Variants in LDLRAD4 observed in about 807,000 individuals in gnomAD.
LDLRAD4 encodes the protein low-density lipoprotein receptor class A domain-containing protein 4.
Under a neutral mutation model 17.0 loss-of-function variants are expected in LDLRAD4, and 5 were observed. The observed-to-expected ratio is 0.29, with a 90% confidence interval of 0.15 to 0.62. The LOEUF is 0.62. LDLRAD4 is among the 20% of genes least tolerant of loss of function. LDLRAD4 has a pLI of 0.84. For missense variants in LDLRAD4, 340 were observed against 424.7 expected, an observed-to-expected ratio of 0.80 and a Z score of 1.75; for synonymous variants, 168 against 171.8, an observed-to-expected ratio of 0.98 and a Z score of 0.17.
intron 3 of LDLRAD4, among the ~76,000 whole-genome samples, chr18:13,465,717 G>A (rs575039158): frequency 2.0e-5 from 3 of 152,340 alleles, no homozygotes; most frequent in South Asian, 2.1e-4. Context: ...TTAGGCCTGC[G>A]GCTTGGCAGA....
intron 3 of LDLRAD4, among the ~76,000 whole-genome samples, chr18:13,477,145 G>A (rs2092960743): frequency 6.6e-6 from 1 of 152,186 alleles, no homozygotes; most frequent in South Asian, 2.1e-4. Context: ...CAGGAGGATT[G>A]GGCCCTAATT....
At chr18:13,597,796 C>G (rs1785160) in intron 3 of LDLRAD4, among the ~76,000 whole-genome samples, 70,869 of 151,468 alleles carry the variant, frequency 0.47, 16,680 homozygotes, top group African/African-American at 0.54. Flanking sequence ...CTTTATTGAT[C>G]TACTGTTAAG....
At chr18:13,499,698 T>A (rs1358874489) in intron 3 of LDLRAD4, among the ~76,000 whole-genome samples, 5 of 132,872 alleles carry the variant, frequency 3.8e-5, no homozygotes, top group African/African-American at 1.5e-4. Context: ...CACCGGAGAA[T>A]CCATCTCCAC....
At chr18:13,388,080 G>A (rs1472575765) in intron 2 of LDLRAD4, among the ~76,000 whole-genome samples, 2 of 152,236 alleles carry the variant, frequency 1.3e-5, no homozygotes, top group African/African-American at 4.8e-5. Context: ...CTTGCTGAGC[G>A]AGGGTAGGGG....
chr18:13,460,342 G>A (rs779100856), intron 3 of LDLRAD4, among the ~76,000 whole-genome samples: 7 of 152,040 alleles, frequency 4.6e-5, no homozygotes, highest in Admixed American at 3.3e-4. Flanking sequence ...ACAGGCACAC[G>A]CCACCATGCC....
intron 1 of LDLRAD4, among the ~76,000 whole-genome samples, chr18:13,224,991 A>G (rs1353674409): frequency 6.6e-6 from 1 of 151,236 alleles, no homozygotes; most frequent in East Asian, 2.0e-4. Context: ...ATGCACCACT[A>G]CACCTAGCTA....
exon 6 of LDLRAD4, chr18:13,651,092 C>T (rs905567119): frequency 1.3e-5 from 2 of 152,206 alleles, no homozygotes; most frequent in Non-Finnish European, 2.9e-5. Flanking sequence ...TGTTGTTTTT[C>T]AACTTGCTTT....
chr18:13,346,498 T>A (rs2082696212), intron 1 of LDLRAD4, among the ~76,000 whole-genome samples: 1 of 152,334 alleles, frequency 6.6e-6, no homozygotes, highest in South Asian at 2.1e-4. Context: ...TATTTCCAAC[T>A]ATGTGGTCAA....
rs577929054 is a variant in LDLRAD4, at chr18:13,353,550, T to C, written c.-382-33791T>C. Among the ~76,000 whole-genome samples the C allele has an allele frequency of 2.0e-5, 3 of 152,372 alleles. No individual in the cohort carries two copies. The East Asian group carries it at 5.8e-4, about 29-fold the overall frequency. On this transcript the variant is annotated intron_variant, in intron 1 of 5. Coordinates refer to ENST00000359446, the Ensembl canonical transcript of LDLRAD4. ...TCTGTTTTCTTAGAGTAGCTGTCACTGCTGCTTCCTGTTTCTTGTGCCTTT... is the reference window on the plus strand; with the variant it reads ...TCTGTTTTCTTAGAGTAGCTGTCACCGCTGCTTCCTGTTTCTTGTGCCTTT...
chr18:13,480,269 G>C (rs1022968778), intron 3 of LDLRAD4, among the ~76,000 whole-genome samples: 9 of 152,184 alleles, frequency 5.9e-5, no homozygotes, highest in African/African-American at 2.2e-4. Context: ...GCTATGAAAA[G>C]ACATGGAGGA....
At chr18:13,347,532 A>G (rs2082764914) in intron 1 of LDLRAD4, among the ~76,000 whole-genome samples, 1 of 152,200 alleles carries the variant, frequency 6.6e-6, no homozygotes, top group African/African-American at 2.4e-5. Flanking sequence ...ACTTTGGTGA[A>G]TCTGACAGTT....
At chr18:13,612,553 CCCCT>C in intron 3 of LDLRAD4, 1 of 1,450,680 alleles carries the variant, frequency 6.9e-7, no homozygotes, top group Non-Finnish European at 9.1e-7. Context: ...ACACCCCCCC[CCCCT>C]CCACGCTCAC....
intron 2 of LDLRAD4, among the ~76,000 whole-genome samples, chr18:13,402,155 C>A (rs945113244): frequency 1.3e-5 from 2 of 152,162 alleles, no homozygotes; most frequent in Non-Finnish European, 2.9e-5. Context: ...CGTGCTTTTC[C>A]CTTCTTTTCC....
intron 1 of LDLRAD4, among the ~76,000 whole-genome samples, chr18:13,234,033 A>G (rs1175740987): frequency 6.6e-6 from 1 of 151,908 alleles, no homozygotes; most frequent in Admixed American, 6.6e-5. Flanking sequence ...TTTGAAACCT[A>G]TTTGTTCTGC....
chr18:13,351,292 C>G (rs990429177), intron 1 of LDLRAD4, among the ~76,000 whole-genome samples: 10 of 151,854 alleles, frequency 6.6e-5, no homozygotes, highest in Admixed American at 6.6e-4. Context: ...TGTTTGTGTC[C>G]TCTTATTTCC....
At chr18:13,289,734 A>G (rs936637405) in intron 1 of LDLRAD4, among the ~76,000 whole-genome samples, 12 of 152,132 alleles carry the variant, frequency 7.9e-5, no homozygotes, top group African/African-American at 2.4e-4. Flanking sequence ...CCGTGGAGAG[A>G]TGGGAGGTGG....
intron 1 of LDLRAD4, among the ~76,000 whole-genome samples, chr18:13,279,232 T>A (rs2045093922): frequency 6.6e-6 from 1 of 152,362 alleles, no homozygotes; most frequent in African/African-American, 2.4e-5. Flanking sequence ...ACTGACTAAA[T>A]GCTTGTTATT....
intron 1 of LDLRAD4, among the ~76,000 whole-genome samples, chr18:13,361,066 A>G (rs968738695): frequency 3.9e-5 from 6 of 152,206 alleles, no homozygotes; most frequent in African/African-American, 1.4e-4. Flanking sequence ...TGGGGTCAGT[A>G]GCACACGTGA....
chr18:13,399,097 C>T (rs1436776310), intron 2 of LDLRAD4, among the ~76,000 whole-genome samples: 1 of 152,054 alleles, frequency 6.6e-6, no homozygotes, highest in Non-Finnish European at 1.5e-5. Context: ...GCCTATAGTC[C>T]TGGCTACTCA....
Sources: allele counts gnomAD v4.1 joint callset (sites outside exome capture counted in the v4.1 genomes callset), GRCh38; gene constraint gnomAD v4.1.1; transcripts MANE v1.5; gene names NCBI Gene and HGNC (gene_info 2026-07-23, HGNC 2026-07-21).